Variants in ANO6 observed in about 807,000 individuals in gnomAD.
The protein encoded by ANO6 is anoctamin-6.
In ANO6, 106 loss-of-function variants were observed where a neutral mutation model predicts 117.5. The ratio of observed to expected loss-of-function variants is 0.90; its 90% confidence interval spans 0.77 to 1.06. The LOEUF (loss-of-function observed/expected upper bound fraction) is 1.06, where lower values mean the gene tolerates loss of function less well. Ranked by LOEUF, ANO6 falls within the 50% of genes least tolerant of loss-of-function variation. ANO6 has a pLI of 0.00. For missense variants in ANO6, 955 were observed against 1,121.1 expected (o/e 0.85, Z 2.12); for synonymous variants, 367 against 385.1 (o/e 0.95, Z 0.55).
intron 1 of ANO6, among the ~76,000 whole-genome samples, chr12:45,282,156 G>C (rs1243030112): frequency 1.3e-5 from 2 of 152,220 alleles, no homozygotes; most frequent in South Asian, 4.1e-4. Flanking sequence ...ACAGCTTTGA[G>C]TGTGTTTGTG....
chr12:45,293,871 C>T (rs1939201374), intron 1 of ANO6, among the ~76,000 whole-genome samples: 1 of 151,690 alleles, frequency 6.6e-6, no homozygotes, highest in African/African-American at 2.4e-5. Context: ...GCGTGAGCCA[C>T]TGCGCCCGGC....
chr12:45,413,857 C>T (rs577171207), intron 16 of ANO6, among the ~76,000 whole-genome samples: 2 of 152,132 alleles, frequency 1.3e-5, no homozygotes, highest in East Asian at 3.9e-4. Context: ...CTAGGTAGGG[C>T]TTTTTTAGTT....
chr12:45,427,493 A>G (rs1943531891), intron 19 of ANO6, among the ~76,000 whole-genome samples: 1 of 152,114 alleles, frequency 6.6e-6, no homozygotes, highest in African/African-American at 2.4e-5. Flanking sequence ...ACCTCCTTAA[A>G]GTGTTTGCTC....
At chr12:45,281,814 T>G (rs1157184300) in intron 1 of ANO6, among the ~76,000 whole-genome samples, 1 of 152,212 alleles carries the variant, frequency 6.6e-6, no homozygotes, top group Non-Finnish European at 1.5e-5. Flanking sequence ...GCTATTAAAG[T>G]ATTTAAAGCA....
At chr12:45,291,022 A>G (rs1200646514) in intron 1 of ANO6, among the ~76,000 whole-genome samples, 1 of 152,204 alleles carries the variant, frequency 6.6e-6, no homozygotes, top group Admixed American at 6.5e-5. Flanking sequence ...AAAGCGTGCC[A>G]GATACACTCA....
intron 19 of ANO6, 28 bp downstream of exon 19, chr12:45,423,090 T>G (rs776178679): frequency 5.9e-6 from 9 of 1,529,994 alleles, no homozygotes; most frequent in Admixed American, 1.7e-5. Context: ...TCAAACAGTT[T>G]ATAAGGATGT....
chr12:45,361,907 T>C (rs1394608065), intron 8 of ANO6, among the ~76,000 whole-genome samples: 2 of 152,262 alleles, frequency 1.3e-5, no homozygotes, highest in Non-Finnish European at 2.9e-5. Context: ...TAGTATTTTA[T>C]TGAAGATTTT....
At chr12:45,370,978 A>C (rs1483022931) in intron 9 of ANO6, among the ~76,000 whole-genome samples, 4 of 152,182 alleles carry the variant, frequency 2.6e-5, no homozygotes, top group Admixed American at 6.5e-5. Context: ...AGTGCCAGAC[A>C]GTGGGCGCAG....
At chr12:45,395,160 T>C (rs1942575176) in intron 12 of ANO6, among the ~76,000 whole-genome samples, 1 of 152,122 alleles carries the variant, frequency 6.6e-6, no homozygotes, top group Non-Finnish European at 1.5e-5. Flanking sequence ...AAAGGGGATA[T>C]TGCCACTGAT....
At chr12:45,370,995 G>A (rs1357339858) in intron 9 of ANO6, among the ~76,000 whole-genome samples, 1 of 152,202 alleles carries the variant, frequency 6.6e-6, no homozygotes, top group East Asian at 1.9e-4. Flanking sequence ...GCAGGTCAGT[G>A]GGTGCACGCA....
At chr12:45,356,519 T>C (rs1323485196) in intron 7 of ANO6, among the ~76,000 whole-genome samples, 1 of 152,240 alleles carries the variant, frequency 6.6e-6, no homozygotes, top group Non-Finnish European at 1.5e-5. Flanking sequence ...GAATGTTATA[T>C]GTATTACATA....
intron 1 of ANO6, among the ~76,000 whole-genome samples, chr12:45,246,970 C>G (rs138812583): frequency 6.6e-6 from 1 of 151,244 alleles, no homozygotes; most frequent in Non-Finnish European, 1.5e-5. Context: ...TTCGCTCTGT[C>G]GCCCAGGCTG....
At chr12:45,330,407 A>G (rs17095736) in intron 2 of ANO6, among the ~76,000 whole-genome samples, 2,443 of 152,244 alleles carry the variant, frequency 0.016, 61 homozygotes, top group East Asian at 0.097. Context: ...AAATCTTATC[A>G]GTTTTTAATG....
chr12:45,437,864 C>T (rs994032847), intron 19 of ANO6, among the ~76,000 whole-genome samples: 1 of 152,120 alleles, frequency 6.6e-6, no homozygotes, highest in Non-Finnish European at 1.5e-5. Context: ...CCACCACACC[C>T]GACCTCAAAA....
At chr12:45,440,002 G>A in exon 20 of ANO6, 1 of 1,416,808 alleles carries the variant, frequency 7.1e-7, no homozygotes, top group Non-Finnish European at 9.2e-7. Context: ...ATTGTTTCAT[G>A]TGCTCAAGAT....
At position 45,327,838 on chromosome 12, in the gene ANO6, GA is replaced by G. The variant is rs561519332; in HGVS notation, c.151-3448del. On this transcript the variant is annotated intron_variant, in intron 2 of 19. Transcript: ENST00000320560. ...TTTGTGTTGAGTATATATTTTATCA[GA>G]AAAAAAAATTTTATTCTAAGAAAAA... is the stretch of plus-strand genomic sequence containing the variant. Among the ~76,000 whole-genome samples, 152 of 151,274 alleles carry G rather than the reference GA, an allele frequency of 1.0e-3. No individual in the cohort carries two copies. In the Middle Eastern group the frequency reaches 0.01, roughly 10 times the overall value.
intron 8 of ANO6, among the ~76,000 whole-genome samples, chr12:45,364,079 T>C (rs1941623940): frequency 6.6e-6 from 1 of 152,250 alleles, no homozygotes; most frequent in African/African-American, 2.4e-5. Context: ...ATAGAATACT[T>C]GGTTGACAGT....
chr12:45,439,302 T>C (rs990785604), intron 19 of ANO6, among the ~76,000 whole-genome samples: 1 of 152,208 alleles, frequency 6.6e-6, no homozygotes, highest in Non-Finnish European at 1.5e-5. Flanking sequence ...CAAAAGGCCA[T>C]TGAAATGGAT....
At chr12:45,236,689 A>G (rs1308424691) in intron 1 of ANO6, among the ~76,000 whole-genome samples, 1 of 152,234 alleles carries the variant, frequency 6.6e-6, no homozygotes, top group Non-Finnish European at 1.5e-5. Context: ...CAATAAACAT[A>G]CGTGTGCATG....
Sources: allele counts gnomAD v4.1 joint callset (sites outside exome capture counted in the v4.1 genomes callset), GRCh38; gene constraint gnomAD v4.1.1; transcripts MANE v1.5; gene names NCBI Gene and HGNC (gene_info 2026-07-23, HGNC 2026-07-21).